TOPBP1: variants seen among roughly 807,000 people sequenced by gnomAD.
TOPBP1 encodes the protein DNA topoisomerase 2-binding protein 1.
In TOPBP1, 28 loss-of-function variants were observed where a neutral mutation model predicts 167.7. That is an observed-to-expected ratio of 0.17 (90% CI 0.12 to 0.23). The LOEUF is 0.23. TOPBP1 is among the 10% of genes least tolerant of loss of function. The pLI is 1.00. For missense variants in TOPBP1, 1,554 were observed against 1,809.6 expected (o/e 0.86, Z 2.56); for synonymous variants, 598 against 611.4 (o/e 0.98, Z 0.32).
At chr3:133,620,018 A>T (rs4854588) in intron 20 of TOPBP1, 137 bp downstream of exon 20, 25 of 849,798 alleles carry the variant, frequency 2.9e-5, no homozygotes, top group Non-Finnish European at 4.4e-5. Flanking sequence ...TTTAAATTTC[A>T]GCTTTTACTG....
chr3:133,659,985 A>G (rs769003615), intron 2 of TOPBP1, among the ~76,000 whole-genome samples: 33 of 152,092 alleles, frequency 2.2e-4, no homozygotes, highest in Non-Finnish European at 3.8e-4. Flanking sequence ...AATGGCCCAC[A>G]AGGCCCTACA....
intron 6 of TOPBP1, among the ~76,000 whole-genome samples, chr3:133,653,982 T>C (rs1284455917): frequency 6.6e-6 from 1 of 152,190 alleles, no homozygotes; most frequent in African/African-American, 2.4e-5. Context: ...TACCAGTACT[T>C]ACTCTTAAAC....
chr3:133,624,951 C>A (rs114824478), intron 16 of TOPBP1, among the ~76,000 whole-genome samples: 1 of 152,018 alleles, frequency 6.6e-6, no homozygotes, highest in Non-Finnish European at 1.5e-5. Flanking sequence ...CTATGATCTC[C>A]CAATTCTTCC....
At chr3:133,624,818 C>T (rs1036830642) in intron 16 of TOPBP1, among the ~76,000 whole-genome samples, 6 of 152,144 alleles carry the variant, frequency 3.9e-5, no homozygotes, top group Non-Finnish European at 7.3e-5. Flanking sequence ...GGTATTATTA[C>T]ATTAATCTTA....
At chr3:133,603,442 G>A (rs1934378648) in intron 27 of TOPBP1, among the ~76,000 whole-genome samples, 1 of 151,618 alleles carries the variant, frequency 6.6e-6, no homozygotes, top group South Asian at 2.1e-4. Flanking sequence ...GAAAAAAAAA[G>A]CAAGGCCCAA....
At chr3:133,660,041 C>T (rs1936630770) in intron 2 of TOPBP1, among the ~76,000 whole-genome samples, 1 of 152,086 alleles carries the variant, frequency 6.6e-6, no homozygotes, top group South Asian at 2.1e-4. Flanking sequence ...AGTACTCTTC[C>T]CCCATCCCTC....
intron 6 of TOPBP1, among the ~76,000 whole-genome samples, chr3:133,654,588 T>G (rs952723160): frequency 6.6e-6 from 1 of 152,160 alleles, no homozygotes; most frequent in Admixed American, 6.5e-5. Context: ...GATAGCTTAG[T>G]AAAACACAGT....
chr3:133,601,595 C>A (rs144232864), intron 27 of TOPBP1, among the ~76,000 whole-genome samples: 24 of 152,098 alleles, frequency 1.6e-4, no homozygotes, highest in African/African-American at 5.8e-4. Flanking sequence ...CAAAGAAATA[C>A]GTGTATGGTT....
chr3:133,615,960 T>C (rs1253150506), intron 23 of TOPBP1, among the ~76,000 whole-genome samples: 2 of 152,140 alleles, frequency 1.3e-5, no homozygotes, highest in Non-Finnish European at 2.9e-5. Context: ...CCTATGTGGT[T>C]CACATTCTGT....
Position 133,657,794 on chromosome 3 carries a change from C to A in TOPBP1, c.363+4G>T. 1 of 1,534,544 alleles carries A rather than the reference C, an allele frequency of 6.5e-7. No homozygotes were observed. Among genetic ancestry groups the A allele is most frequent in the Non-Finnish European group, 8.7e-7 (1 of 1,147,574 alleles). ...TGATCAATCATCATGAGATCAATATCTACCCTTTTTTCTTTTTCCAGACTT... is the reference window on the plus strand; with the variant it reads ...TGATCAATCATCATGAGATCAATATATACCCTTTTTTCTTTTTCCAGACTT... On this transcript the variant is annotated splice_donor_region_variant and intron_variant, in intron 4 of 27. Coordinates refer to ENST00000260810, the MANE Select transcript of TOPBP1 (RefSeq NM_007027.4).
intron 14 of TOPBP1, among the ~76,000 whole-genome samples, chr3:133,630,299 A>T: frequency 7.0e-6 from 1 of 142,774 alleles, no homozygotes. Flanking sequence ...TTTGCCATGG[A>T]GCTTTTTTTT....
Position 133,639,951 on chromosome 3 carries a change from G to A in TOPBP1, c.2233+8C>T. 1.2e-6 allele frequency: 2 copies of A among 1,612,068 alleles called. No individual in the cohort carries two copies. Among genetic ancestry groups the A allele is most frequent in the Non-Finnish European group, 1.7e-6 (2 of 1,178,774 alleles). On this transcript the variant is annotated splice_region_variant and intron_variant, in intron 13 of 27. Coordinates refer to ENST00000260810, the MANE Select transcript of TOPBP1 (RefSeq NM_007027.4). Reference sequence around the variant, plus strand: ...ATATATATAAAAGAACAGAATAAAAGTATTAACCTTCTTTAGTTGAATTTT... The same window carrying A: ...ATATATATAAAAGAACAGAATAAAAATATTAACCTTCTTTAGTTGAATTTT...
chr3:133,634,406 G>A (rs549054260), intron 14 of TOPBP1, among the ~76,000 whole-genome samples: 1 of 152,286 alleles, frequency 6.6e-6, no homozygotes, highest in South Asian at 2.1e-4. Context: ...CTACTCGGGA[G>A]GCTGAGGCAG....
At chr3:133,617,467 C>T (rs1934937600) in intron 21 of TOPBP1, 141 bp from the exon 22 acceptor site, 2 of 875,032 alleles carry the variant, frequency 2.3e-6, no homozygotes, top group African/African-American at 1.7e-5. Flanking sequence ...AAAAAGTATC[C>T]TATCCCCAGA....
At chr3:133,627,515 G>T (rs778789061) in intron 16 of TOPBP1, among the ~76,000 whole-genome samples, 14 of 152,158 alleles carry the variant, frequency 9.2e-5, no homozygotes, top group Non-Finnish European at 1.5e-4. Context: ...CAAACACTAA[G>T]ATGCTTATAT....
chr3:133,657,659 A>T, intron 4 of TOPBP1, 139 bp downstream of exon 4: 1 of 531,660 alleles, frequency 1.9e-6, no homozygotes, highest in Non-Finnish European at 3.0e-6. Flanking sequence ...ATATATACAC[A>T]CTGTGGTTGT....
At chr3:133,617,080 G>A (rs1934917720) in intron 22 of TOPBP1, 80 bp downstream of exon 22, 1 of 1,479,456 alleles carries the variant, frequency 6.8e-7, no homozygotes, top group African/African-American at 1.4e-5. Flanking sequence ...ATGAAGCCTT[G>A]ATATTGACAT....
rs1274754793 is a variant in TOPBP1 at position 133,644,078 on chromosome 3, G to C, written c.1790C>G (p.Pro597Arg). ...GGCTTCCACTTCACACCCCAGCAGA[G>C]GAACCACAGCATAATCCGCAACAGT... Reference protein sequence around the residue: ...SRTVADYAVVPLLGCEVEATV... With the variant: ...SRTVADYAVVRLLGCEVEATV... The change falls in exon 11 of 28, where the codon CCT becomes CGT. Residue 597 changes from proline (P) to arginine (R), a missense_variant. Physicochemically the swap from Pro to Arg is moderately radical, Grantham distance 103. This residue lies in a region of TOPBP1 where 1,197 missense variants were observed against 1,351.5 expected (regional missense o/e 0.89). Transcript: ENST00000260810. 4 of 1,613,518 alleles carry C rather than the reference G, an allele frequency of 2.5e-6. No homozygotes were observed. Among genetic ancestry groups the C allele is most frequent in the Non-Finnish European group, 3.4e-6 (4 of 1,179,762 alleles).
Position 133,618,298 on chromosome 3 carries a change from T to C in TOPBP1, c.3507A>G (p.Gln1169=), listed in dbSNP as rs577896703. 10 of 1,613,992 alleles carry C rather than the reference T, an allele frequency of 6.2e-6. No homozygotes were observed. Among genetic ancestry groups the C allele is most frequent in the African/African-American group, 1.3e-5 (1 of 75,064 alleles). ...SNLQWPSCPT[Q]YSELQVDIQN... is the part of the protein sequence containing the mutation. Reference sequence around the variant, plus strand: ...GAATGTCAACCTGAAGCTCAGAGTATTGTGTGGGACAACTAGGCCACTGCA... The same window carrying C: ...GAATGTCAACCTGAAGCTCAGAGTACTGTGTGGGACAACTAGGCCACTGCA... Residue 1169 remains glutamine (Q), a synonymous_variant, in exon 21 of 28, where the codon CAA becomes CAG. Coordinates refer to ENST00000260810, the MANE Select transcript of TOPBP1 (RefSeq NM_007027.4).
Sources: allele counts gnomAD v4.1 joint callset (sites outside exome capture counted in the v4.1 genomes callset), GRCh38; gene constraint gnomAD v4.1.1; regional missense constraint gnomAD v4.1.1; transcripts MANE v1.5; gene names NCBI Gene and HGNC (gene_info 2026-07-23, HGNC 2026-07-21).